The following PRKX variants were observed in gnomAD, a reference collection of about 807,000 sequenced individuals.
PRKX encodes cAMP-dependent protein kinase catalytic subunit PRKX.
Under a neutral mutation model 22.0 loss-of-function variants are expected in PRKX, and 12 were observed. The observed-to-expected ratio is 0.54, with a 90% CI of 0.35 to 0.88. The LOEUF is 0.88. Ranked by LOEUF, PRKX falls within the 40% of genes least tolerant of loss-of-function variation. PRKX has a pLI of 0.01. For missense variants in PRKX, 217 were observed against 308.0 expected (o/e 0.70, Z 2.21); for synonymous variants, 134 against 137.7 (o/e 0.97, Z 0.19).
At chrX:3,664,942 C>T (rs1927688830) in intron 2 of PRKX, among the ~76,000 whole-genome samples, 1 of 112,427 alleles carries the variant, frequency 8.9e-6, no homozygotes, top group Non-Finnish European at 1.9e-5. Flanking sequence ...CAAACGTCCA[C>T]GTGTATCCCT....
At chrX:3,654,068 A>G (rs6641824) in intron 3 of PRKX, among the ~76,000 whole-genome samples, 26,280 of 81,620 alleles carry the variant, frequency 0.32, 3,671 homozygotes, top group East Asian at 0.62. Context: ...AGTATAATAT[A>G]CTATATAATA....
intron 5 of PRKX, among the ~76,000 whole-genome samples, chrX:3,622,970 A>C (rs1376766272): frequency 8.9e-6 from 1 of 111,929 alleles, no homozygotes; most frequent in Non-Finnish European, 1.9e-5. Context: ...CTGGAGTGCA[A>C]TTATAAGACA....
At chrX:3,700,695 C>T (rs1383328410) in intron 1 of PRKX, among the ~76,000 whole-genome samples, 20 of 111,501 alleles carry the variant, frequency 1.8e-4, no homozygotes, top group East Asian at 1.1e-3. Flanking sequence ...CCTCCCACCT[C>T]GGCCTCCCAA....
chrX:3,614,495 AAAT>A (rs1926377092), intron 7 of PRKX, among the ~76,000 whole-genome samples: 1 of 111,628 alleles, frequency 9.0e-6, no homozygotes, highest in East Asian at 2.8e-4. Flanking sequence ...CTCAAAAAAT[AAAT>A]AATAAATAAT....
intron 1 of PRKX, among the ~76,000 whole-genome samples, chrX:3,696,003 T>C (rs1163556700): frequency 4.5e-5 from 5 of 111,363 alleles, no homozygotes; most frequent in African/African-American, 1.3e-4. Flanking sequence ...GGTGAAAGCT[T>C]GCATCCTCCC....
chrX:3,699,700 C>A (rs1478298241), intron 1 of PRKX, among the ~76,000 whole-genome samples: 1 of 112,611 alleles, frequency 8.9e-6, no homozygotes, highest in African/African-American at 3.2e-5. Context: ...CCAGGTCACA[C>A]ACTTGCCCAC....
At chrX:3,708,869 C>G (rs1369988713) in intron 1 of PRKX, among the ~76,000 whole-genome samples, 1 of 106,060 alleles carries the variant, frequency 9.4e-6, no homozygotes, top group African/African-American at 3.5e-5. Context: ...AAAAAAGTGT[C>G]GAGCAAGACC....
rs1012840459 is a variant in PRKX, at chrX:3,624,580, A to AC, written c.815+1838dup. Among the ~76,000 whole-genome samples the AC allele has an allele frequency of 1.9e-3, 192 of 102,709 alleles. 1 individual carries two copies. The Middle Eastern group carries it at 0.02, about 11-fold the overall frequency. The allele number at this position is 102,709 out of a possible 115,157, so 89.2% of individuals were successfully genotyped here. On this transcript the variant is annotated intron_variant, in intron 5 of 8. Transcript: ENST00000262848. ...TTGTTGTTTCCACAGAACATTGGAAACCCCCCCCATATATATATATAATTA... is the reference window on the plus strand; with the variant it reads ...TTGTTGTTTCCACAGAACATTGGAAACCCCCCCCCATATATATATATAATTA...
At chrX:3,610,350 C>T (rs1213933806) in intron 8 of PRKX, among the ~76,000 whole-genome samples, 1 of 110,667 alleles carries the variant, frequency 9.0e-6, no homozygotes, top group Admixed American at 9.7e-5. Flanking sequence ...GGTGTGGTGG[C>T]AGGCACCTGT....
intron 4 of PRKX, among the ~76,000 whole-genome samples, chrX:3,638,506 T>C (rs1416004967): frequency 9.0e-6 from 1 of 111,680 alleles, no homozygotes; most frequent in African/African-American, 3.3e-5. Flanking sequence ...ATGTGGTGCT[T>C]TTCCTTGGGT....
At chrX:3,651,436 T>C (rs777029571) in intron 3 of PRKX, among the ~76,000 whole-genome samples, 14 of 112,207 alleles carry the variant, frequency 1.2e-4, no homozygotes, top group Non-Finnish European at 1.9e-4. Flanking sequence ...TAATATACCG[T>C]GTGCTGCCAA....
intron 5 of PRKX, among the ~76,000 whole-genome samples, chrX:3,623,995 T>C: frequency 8.9e-6 from 1 of 111,939 alleles, no homozygotes; most frequent in South Asian, 3.7e-4. Context: ...GGAACCAACA[T>C]ATGACTTTAA....
chrX:3,683,825 C>T (rs1814535106), intron 1 of PRKX, among the ~76,000 whole-genome samples: 1 of 111,654 alleles, frequency 9.0e-6, no homozygotes, highest in Non-Finnish European at 1.9e-5. Flanking sequence ...GGCAACAGAG[C>T]AAGACCCTGT....
At chrX:3,689,899 C>T (rs750652414) in intron 1 of PRKX, among the ~76,000 whole-genome samples, 3 of 111,015 alleles carry the variant, frequency 2.7e-5, no homozygotes, top group African/African-American at 9.8e-5. Flanking sequence ...ATGGCGTGAA[C>T]CCGGGAGGCA....
At chrX:3,622,940 C>T (rs1315723835) in intron 5 of PRKX, among the ~76,000 whole-genome samples, 1 of 111,973 alleles carries the variant, frequency 8.9e-6, no homozygotes, top group Non-Finnish European at 1.9e-5. Flanking sequence ...TGCCCCCTTA[C>T]CACACACACT....
chrX:3,700,264 G>A (rs372746885), intron 1 of PRKX, among the ~76,000 whole-genome samples: 121 of 111,894 alleles, frequency 1.1e-3, no homozygotes, highest in African/African-American at 3.9e-3. Context: ...CCTAAAACGA[G>A]TGGAAAAAAC....
At chrX:3,653,917 TATAA>T (rs201666540) in intron 3 of PRKX, among the ~76,000 whole-genome samples, 38 of 73,940 alleles carry the variant, frequency 5.1e-4, no homozygotes, top group African/African-American at 2.1e-3. Context: ...ATGTGATATA[TATAA>T]TATATATTAT....
intron 1 of PRKX, among the ~76,000 whole-genome samples, chrX:3,686,242 A>C (rs1186799319): frequency 7.2e-5 from 8 of 111,282 alleles, no homozygotes; most frequent in Admixed American, 6.7e-4. Flanking sequence ...AATGGATAAG[A>C]AGAGGAGTTT....
chrX:3,618,795 C>T (rs181743792), intron 6 of PRKX, among the ~76,000 whole-genome samples: 26 of 111,204 alleles, frequency 2.3e-4, no homozygotes, highest in African/African-American at 7.8e-4. Flanking sequence ...ATGGTCACTA[C>T]GCCATTCCCA....
Sources: gnomAD v4.1 joint callset for allele counts (sites outside exome capture counted in the v4.1 genomes callset) on GRCh38, gnomAD v4.1.1 for gene constraint, MANE v1.5 for transcripts, NCBI Gene and HGNC (gene_info 2026-07-23, HGNC 2026-07-21) for gene names.